Variants in STX7 observed in about 807,000 individuals in gnomAD.
STX7 encodes the protein syntaxin-7.
Under a neutral mutation model 39.6 loss-of-function variants are expected in STX7, and 34 were observed. The ratio of observed to expected loss-of-function variants is 0.86; its 90% CI spans 0.65 to 1.14. STX7 has a LOEUF of 1.14. Among genes scored for constraint, STX7 ranks in the 50% most tolerant of loss-of-function variants. The pLI is 0.00. For synonymous variants in STX7, 119 were observed against 99.1 expected (o/e 1.20, Z -1.19); for missense variants, 284 against 310.4 (o/e 0.92, Z 0.64).
chr6:132,507,004 G>A (rs1775720261), intron 1 of STX7, among the ~76,000 whole-genome samples: 1 of 152,148 alleles, frequency 6.6e-6, no homozygotes, highest in African/African-American at 2.4e-5. Context: ...GTCTTTCACA[G>A]CAACACAGAT....
In STX7 at chr6:132,460,801, C is replaced by T. The variant is rs780651725; in HGVS notation, c.743G>A (p.Gly248Glu). ...LCIIILILVI[G>E]VAIISLIIWG... ...TATGATGAGACTGATAATCGCAACT[C>T]CAATGACAAGGATAAGAATGATGAT... Residue 248 changes from glycine to glutamate, a missense_variant, in exon 10 of 10, where the codon GGA (glycine) becomes GAA (glutamate). Transcript: ENST00000367941. 6.2e-7 allele frequency: 1 copy of T among 1,613,602 alleles called. No homozygotes were observed. The highest frequency in any genetic ancestry group is 2.2e-5 in the East Asian group (1 of 44,830).
At chr6:132,462,209 G>A (rs1280426306) in intron 9 of STX7, among the ~76,000 whole-genome samples, 1 of 152,214 alleles carries the variant, frequency 6.6e-6, no homozygotes, top group African/African-American at 2.4e-5. Context: ...GTGGTGATAA[G>A]TGAACTTGAA....
At chr6:132,486,730 G>C (rs1775142737) in intron 2 of STX7, among the ~76,000 whole-genome samples, 1 of 147,754 alleles carries the variant, frequency 6.8e-6, no homozygotes. Flanking sequence ...GCAGTGGCGT[G>C]ACCTCAGCTT....
chr6:132,471,005 C>T (rs564826022), intron 5 of STX7, among the ~76,000 whole-genome samples: 1 of 152,022 alleles, frequency 6.6e-6, no homozygotes, highest in Non-Finnish European at 1.5e-5. Context: ...ATTCAAAATT[C>T]TATTGTAAAG....
rs1774094261 is a variant in STX7 at position 132,449,484 on chromosome 6, A to G, written c.*11274T>C. On this transcript the variant is annotated 3_prime_UTR_variant, in exon 10 of 10. Transcript: ENST00000367941. ...TCAGCAATTACCTCAATTTTTTTCT[A>G]TTTTTTACTTCTTAGACTCCAATCA... 2 of 151,694 alleles carry G rather than the reference A, an allele frequency of 1.3e-5. No individual in the cohort carries two copies. The highest frequency in any genetic ancestry group is 2.1e-4 in the South Asian group (1 of 4,810). The allele number at this position is 151,694 out of a possible 1,614,324, so 9.4% of individuals were successfully genotyped here.
At chr6:132,503,339 G>T in intron 2 of STX7, 107 bp downstream of exon 2, 1 of 898,014 alleles carries the variant, frequency 1.1e-6, no homozygotes, top group East Asian at 2.5e-5. Context: ...GTTGTTAGAG[G>T]AATGCTCCTC....
chr6:132,491,339 T>C (rs76833582), intron 2 of STX7, among the ~76,000 whole-genome samples: 3,527 of 149,406 alleles, frequency 0.024, 127 homozygotes, highest in African/African-American at 0.081. Context: ...TCTTAAGAGA[T>C]GGCCAGATAA....
At chr6:132,505,762 A>AAAAC (rs1554252690) in intron 1 of STX7, among the ~76,000 whole-genome samples, 2 of 135,902 alleles carry the variant, frequency 1.5e-5, no homozygotes, top group Non-Finnish European at 1.6e-5. Flanking sequence ...AAAAAAAAAA[A>AAAAC]AACACAGGTT....
Position 132,513,065 on chromosome 6 carries a change from C to A in STX7, c.-117G>T, listed in dbSNP as rs1423755833. 6.6e-6 allele frequency: 1 copy of A among 152,346 alleles called. No homozygotes were observed. The highest frequency in any genetic ancestry group is 2.4e-5 in the African/African-American group (1 of 41,470). 9.4% of individuals were successfully genotyped at this position (152,346 alleles called of 1,614,324 possible). A position where few individuals can be genotyped will look rare whatever the true frequency, so the allele number is the denominator to read the frequency against. ...CCGCCGTCACCCACCTACCCCGGAG[C>A]CCTCAGCTGCAATTCTCAGCTGATG... is the stretch of plus-strand genomic sequence containing the variant. On this transcript the variant is annotated 5_prime_UTR_variant, in exon 1 of 10. Transcript: ENST00000367941.
intron 9 of STX7, among the ~76,000 whole-genome samples, chr6:132,462,584 TG>T (rs1774438185): frequency 7.9e-5 from 4 of 50,440 alleles, no homozygotes; most frequent in African/African-American, 2.4e-4. Flanking sequence ...TTTGCAGGGG[TG>T]TGTGTGTGTG....
At chr6:132,468,354 G>A (rs748201576) in intron 8 of STX7, 49 bp downstream of exon 8, 6 of 1,390,580 alleles carry the variant, frequency 4.3e-6, no homozygotes, top group African/African-American at 4.3e-5. Context: ...AGCAGGTAAA[G>A]TGCATGTAGC....
In STX7 at chr6:132,460,629, T is replaced by G; in HGVS notation, c.*129A>C. ...AAAGGAACCACCCCAACCCCCCCAA[T>G]AAAAATAACAAAGTATGGGAACCAT... On this transcript the variant is annotated 3_prime_UTR_variant, in exon 10 of 10. Coordinates refer to ENST00000367941, the MANE Select transcript of STX7 (RefSeq NM_003569.3). 12 of 631,462 alleles carry G rather than the reference T, an allele frequency of 1.9e-5. No individual in the cohort carries two copies. The highest frequency in any genetic ancestry group is 6.5e-5 in the East Asian group (2 of 30,622). 39.1% of individuals were successfully genotyped at this position (631,462 alleles called of 1,614,324 possible). A position where few individuals can be genotyped will look rare whatever the true frequency, so the allele number is the denominator to read the frequency against.
intron 9 of STX7, chr6:132,461,619 T>G (rs1044972719): frequency 1.4e-5 from 7 of 518,172 alleles, no homozygotes; most frequent in African/African-American, 1.3e-4. Flanking sequence ...CCCTCACACA[T>G]ATTTCTTGTT....
intron 2 of STX7, among the ~76,000 whole-genome samples, chr6:132,480,058 G>GC (rs983466177): frequency 2.6e-5 from 4 of 152,172 alleles, no homozygotes; most frequent in Admixed American, 1.3e-4. Context: ...CACCCACTGT[G>GC]CCCCCTGTGG....
chr6:132,473,787 T>C (rs905944226), intron 3 of STX7, among the ~76,000 whole-genome samples: 1 of 152,166 alleles, frequency 6.6e-6, no homozygotes, highest in Non-Finnish European at 1.5e-5. Flanking sequence ...AATAATGAGA[T>C]ATTGTATAAG....
chr6:132,509,475 A>AAAAT (rs1562343552), intron 1 of STX7, among the ~76,000 whole-genome samples: 7 of 82,114 alleles, frequency 8.5e-5, no homozygotes, highest in African/African-American at 3.0e-4. Flanking sequence ...AACATAACAT[A>AAAAT]ACATAACATA....
rs1232751895 is a variant in STX7 at position 132,450,253 on chromosome 6, A to G, written c.*10505T>C. The G allele has an allele frequency of 6.6e-6, 1 of 152,196 alleles. No individual in the cohort carries two copies. Among genetic ancestry groups the G allele is most frequent in the Non-Finnish European group, 1.5e-5 (1 of 68,020 alleles). The allele number at this position is 152,196 out of a possible 1,614,324, so 9.4% of individuals were successfully genotyped here. A position where few individuals can be genotyped will look rare whatever the true frequency, so the allele number is the denominator to read the frequency against. On this transcript the variant is annotated 3_prime_UTR_variant, in exon 10 of 10. Transcript: ENST00000367941. Reference sequence around the variant, plus strand: ...GAGGATCCTTGAGTATACCTAGTCAACCATATGGCAGGAAGCAGAAATCAT... The same window carrying G: ...GAGGATCCTTGAGTATACCTAGTCAGCCATATGGCAGGAAGCAGAAATCAT...
chr6:132,509,210 G>A (rs940336875), intron 1 of STX7, among the ~76,000 whole-genome samples: 15 of 152,072 alleles, frequency 9.9e-5, no homozygotes, highest in South Asian at 4.1e-4. Flanking sequence ...CTGTAATCCC[G>A]GAACTTTGGA....
At chr6:132,471,372 T>C in intron 5 of STX7, 91 bp downstream of exon 5, 2 of 1,397,410 alleles carry the variant, frequency 1.4e-6, no homozygotes, top group Non-Finnish European at 9.6e-7. Flanking sequence ...CACAGATCTT[T>C]ATGACTTAAA....
Sources: allele counts gnomAD v4.1 joint callset (sites outside exome capture counted in the v4.1 genomes callset), GRCh38; gene constraint gnomAD v4.1.1; transcripts MANE v1.5; gene names NCBI Gene and HGNC (gene_info 2026-07-23, HGNC 2026-07-21).